Variants in RBFOX1 observed in about 807,000 individuals in gnomAD.
RBFOX1 encodes the protein RNA binding protein fox-1 homolog 1.
RBFOX1 carries 8 observed loss-of-function variants against 57.7 expected under a neutral mutation model. That is an observed-to-expected ratio of 0.14 (90% confidence interval 0.08 to 0.25). The LOEUF (loss-of-function observed/expected upper bound fraction) is 0.25, where lower values mean the gene tolerates loss of function less well. Ranked by LOEUF, RBFOX1 falls within the 10% of genes least tolerant of loss-of-function variation. RBFOX1 has a pLI of 1.00. For synonymous variants in RBFOX1, 326 were observed against 222.4 expected, an observed-to-expected ratio of 1.47 and a Z score of -4.15; for missense variants, 611 against 548.5, an observed-to-expected ratio of 1.11 and a Z score of -1.14.
intron 3 of RBFOX1, among the ~76,000 whole-genome samples, chr16:6,749,568 AT>A (rs2154189995): frequency 6.6e-6 from 1 of 152,282 alleles, no homozygotes; most frequent in Non-Finnish European, 1.5e-5. Flanking sequence ...AGCCATGCCG[AT>A]TTCAAAGCTC....
At chr16:5,952,069 A>G (rs912583834) in intron 4 of RBFOX1, among the ~76,000 whole-genome samples, 1 of 150,774 alleles carries the variant, frequency 6.6e-6, no homozygotes, top group African/African-American at 2.4e-5. Flanking sequence ...ACATCTATAT[A>G]AATATATGTG....
chr16:6,522,433 AT>A (rs554840871), intron 2 of RBFOX1, among the ~76,000 whole-genome samples: 1 of 151,682 alleles, frequency 6.6e-6, no homozygotes, highest in East Asian at 1.9e-4. Flanking sequence ...TATTGGGAAG[AT>A]TTTTTTTTGA....
chr16:7,226,941 A>G (rs1346077963), intron 4 of RBFOX1, among the ~76,000 whole-genome samples: 2 of 152,212 alleles, frequency 1.3e-5, no homozygotes, highest in Non-Finnish European at 2.9e-5. Flanking sequence ...ATGTATTTAC[A>G]AAATAACATT....
Position 6,766,990 on chromosome 16 carries a change from T to G in RBFOX1, c.-16+112340T>G, listed in dbSNP as rs76462577. Among the ~76,000 whole-genome samples, 265 of 152,232 alleles carry G rather than the reference T, an allele frequency of 1.7e-3. 7 individuals are homozygous for G. The East Asian group carries it at 0.046, about 26-fold the overall frequency. On this transcript the variant is annotated intron_variant, in intron 3 of 15. Transcript: ENST00000550418. ...AGGCTGAAGGCTGAAGGAACAACCT[T>G]CCAGCTCAATTCCAGGTCATTTCTG...
intron 2 of RBFOX1, among the ~76,000 whole-genome samples, chr16:6,463,284 T>C (rs988456513): frequency 6.6e-6 from 1 of 152,212 alleles, no homozygotes; most frequent in African/African-American, 2.4e-5. Context: ...ACCCTTTCTG[T>C]TAACTCGGAT....
intron 1 of RBFOX1, among the ~76,000 whole-genome samples, chr16:6,311,347 G>C: frequency 6.9e-6 from 1 of 145,970 alleles, no homozygotes; most frequent in East Asian, 2.1e-4. Context: ...TTTGGGTTTT[G>C]TTCTTGTTAG....
At chr16:6,876,399 C>T (rs902663800) in intron 3 of RBFOX1, among the ~76,000 whole-genome samples, 2 of 148,312 alleles carry the variant, frequency 1.3e-5, no homozygotes, top group Non-Finnish European at 3.0e-5. Flanking sequence ...AGCCTATGTT[C>T]TATGAAGTAA....
intron 3 of RBFOX1, among the ~76,000 whole-genome samples, chr16:6,999,055 G>T (rs528441192): frequency 6.6e-6 from 1 of 151,206 alleles, no homozygotes; most frequent in African/African-American, 2.4e-5. Context: ...TATTAGTAGA[G>T]ACAGGGTTTC....
At chr16:5,495,033 G>T (rs1472344592) in intron 2 of RBFOX1, among the ~76,000 whole-genome samples, 1 of 152,166 alleles carries the variant, frequency 6.6e-6, no homozygotes, top group African/African-American at 2.4e-5. Context: ...TGCTATAAAA[G>T]ACATACCTCA....
chr16:6,830,282 C>T (rs1303986165), intron 3 of RBFOX1, among the ~76,000 whole-genome samples: 1 of 152,118 alleles, frequency 6.6e-6, no homozygotes, highest in African/African-American at 2.4e-5. Flanking sequence ...TTCTGATATA[C>T]ACAACAGGGA....
intron 3 of RBFOX1, among the ~76,000 whole-genome samples, chr16:7,029,069 T>TAC (rs1393660608): frequency 0.46 from 25,809 of 55,506 alleles, 7,159 homozygotes; most frequent in South Asian, 0.63. Context: ...TATATATATA[T>TAC]ATATATATAT....
At chr16:6,198,254 T>C (rs1302037076) in intron 1 of RBFOX1, among the ~76,000 whole-genome samples, 3 of 152,102 alleles carry the variant, frequency 2.0e-5, no homozygotes, top group African/African-American at 7.2e-5. Flanking sequence ...GGGTATTGAA[T>C]GTGCACACAG....
chr16:7,323,113 A>G (rs1477484610), intron 4 of RBFOX1, among the ~76,000 whole-genome samples: 1 of 152,122 alleles, frequency 6.6e-6, no homozygotes, highest in Non-Finnish European at 1.5e-5. Context: ...TGAAGAAACC[A>G]CTCAGATTGA....
At chr16:6,349,554 T>C (rs1201596774) in intron 2 of RBFOX1, among the ~76,000 whole-genome samples, 2 of 152,216 alleles carry the variant, frequency 1.3e-5, no homozygotes, top group Non-Finnish European at 2.9e-5. Flanking sequence ...TCATTAGTGG[T>C]TGGTAAACAA....
At chr16:7,481,451 G>A (rs1168121418) in intron 4 of RBFOX1, among the ~76,000 whole-genome samples, 2 of 152,144 alleles carry the variant, frequency 1.3e-5, no homozygotes, top group African/African-American at 4.8e-5. Context: ...GGAATATTGG[G>A]ATGCCTCTGT....
chr16:5,790,066 C>T (rs558661121), intron 3 of RBFOX1, among the ~76,000 whole-genome samples: 151 of 152,310 alleles, frequency 9.9e-4, no homozygotes, highest in Non-Finnish European at 1.7e-3. Context: ...TGTGGTTATT[C>T]GGGACTCCAG....
At chr16:6,915,697 C>T (rs1017637293) in intron 3 of RBFOX1, among the ~76,000 whole-genome samples, 10 of 151,766 alleles carry the variant, frequency 6.6e-5, no homozygotes, top group Admixed American at 3.9e-4. Context: ...AGTACAGGTG[C>T]GCACCACCAT....
chr16:7,156,579 T>C (rs1337418426), intron 4 of RBFOX1, among the ~76,000 whole-genome samples: 1 of 151,964 alleles, frequency 6.6e-6, no homozygotes, highest in Non-Finnish European at 1.5e-5. Context: ...GTATGCACAT[T>C]TGCATGCAGA....
intron 3 of RBFOX1, among the ~76,000 whole-genome samples, chr16:6,661,671 G>A (rs2098702412): frequency 6.6e-6 from 1 of 152,212 alleles, no homozygotes; most frequent in South Asian, 2.1e-4. Flanking sequence ...GTGAATGCAG[G>A]AAGCTGAACA....
Sources: gnomAD v4.1 joint callset for allele counts (sites outside exome capture counted in the v4.1 genomes callset) on GRCh38, gnomAD v4.1.1 for gene constraint, MANE v1.5 for transcripts, NCBI Gene and HGNC (gene_info 2026-07-23, HGNC 2026-07-21) for gene names.